BPIFB3: variants seen among roughly 807,000 people sequenced by gnomAD.
BPIFB3 encodes the protein BPI fold containing family B member 3, also known as BPI fold-containing family B member 3.
In BPIFB3, 49 loss-of-function variants were observed where a neutral mutation model predicts 53.1. That is an observed-to-expected ratio of 0.92 (90% CI 0.73 to 1.17). BPIFB3 has a LOEUF of 1.17. BPIFB3 is among the 50% of genes most tolerant of loss of function. The probability of loss-of-function intolerance (pLI) is 0.00; values close to 1 mark genes in which losing one functional copy is unlikely to be tolerated. For missense variants in BPIFB3, 628 were observed against 592.5 expected, an observed-to-expected ratio of 1.06 and a Z score of -0.62; for synonymous variants, 271 against 269.6, an observed-to-expected ratio of 1.01 and a Z score of -0.05.
chr20:33,069,948 C>T, exon 11 of BPIFB3: 2 of 1,614,208 alleles, frequency 1.2e-6, no homozygotes, highest in Non-Finnish European at 1.7e-6. Context: ...CTCCCTGTCC[C>T]TGGAACGGTA....
At chr20:33,056,627 A>G in exon 2 of BPIFB3, 1 of 1,613,750 alleles carries the variant, frequency 6.2e-7, no homozygotes, top group Non-Finnish European at 8.5e-7. Flanking sequence ...TCTTGGGCTC[A>G]GGAGGGCTGC....
intron 13 of BPIFB3, among the ~76,000 whole-genome samples, chr20:33,072,463 A>T (rs1426900223): frequency 6.6e-6 from 1 of 152,192 alleles, no homozygotes; most frequent in African/African-American, 2.4e-5. Flanking sequence ...TAGATGACCC[A>T]GAGTGTGTAA....
chr20:33,064,531 A>T lies in BPIFB3; in HGVS notation c.727A>T (p.Ile243Leu). Residue 243 changes from isoleucine to leucine, a missense_variant, in exon 7 of 15, where the codon ATA becomes TTA. Transcript: ENST00000375494. ...ATTGCCTCTCATCTCCAACCAGTAC[A>T]TAGAACTGGACATCAACGTGAGTAA... 2.5e-6 allele frequency: 4 copies of T among 1,613,810 alleles called. No individual in the cohort carries two copies. In the East Asian group the frequency reaches 6.7e-5, roughly 27 times the overall value.
At chr20:33,069,785 G>A in intron 10 of BPIFB3, 103 bp from the exon 12 acceptor site, 2 of 1,127,730 alleles carry the variant, frequency 1.8e-6, no homozygotes, top group Non-Finnish European at 2.7e-6. Context: ...ACACAGTAGG[G>A]CCTCAGTAAG....
At chr20:33,064,393 T>C in intron 6 of BPIFB3, 64 bp from the exon 8 acceptor site, 4 of 1,320,214 alleles carry the variant, frequency 3.0e-6, no homozygotes, top group Non-Finnish European at 4.4e-6. Context: ...TAAATGGAAA[T>C]AGGGGCTATT....
At chr20:33,066,953 C>A in intron 9 of BPIFB3, 76 bp downstream of exon 10, 1 of 1,465,036 alleles carries the variant, frequency 6.8e-7, no homozygotes, top group Non-Finnish European at 9.6e-7. Flanking sequence ...GAATCTTTCT[C>A]AATACAGCTC....
At chr20:33,072,610 G>C in intron 13 of BPIFB3, 107 bp from the exon 15 acceptor site, 3 of 904,526 alleles carry the variant, frequency 3.3e-6, no homozygotes, top group Non-Finnish European at 5.4e-6. Context: ...AAGAGAACTG[G>C]CTGGCTAGTG....
chr20:33,063,759 C>T (rs1980548916), intron 6 of BPIFB3, 84 bp downstream of exon 7: 1 of 1,392,752 alleles, frequency 7.2e-7, no homozygotes, highest in South Asian at 1.3e-5. Context: ...GAAGGGGAGC[C>T]AGAAGCGGCA....
chr20:33,060,988 A>G (rs1980432240), intron 4 of BPIFB3, among the ~76,000 whole-genome samples: 1 of 151,940 alleles, frequency 6.6e-6, no homozygotes, highest in Non-Finnish European at 1.5e-5. Flanking sequence ...CTCTGCCAGC[A>G]CTCTGAGCCA....
At chr20:33,072,749 G>T (rs746791805) in exon 14 of BPIFB3, 10 of 1,613,748 alleles carry the variant, frequency 6.2e-6, no homozygotes, top group East Asian at 2.2e-5. Flanking sequence ...CCTGCCTAAG[G>T]TTCTTAATAT....
intron 3 of BPIFB3, 94 bp downstream of exon 4, chr20:33,059,576 C>G: frequency 1.1e-6 from 1 of 886,814 alleles, no homozygotes; most frequent in Non-Finnish European, 1.8e-6. Context: ...CACTCCCACC[C>G]CTCTGTATCC....
Position 33,059,946 on chromosome 20 carries a change from G to GCGCTGGC in BPIFB3, c.445_451dup (p.Val151AlafsTer63). 1 of 1,614,162 alleles carries GCGCTGGC rather than the reference G, an allele frequency of 6.2e-7. No individual in the cohort carries two copies. Among genetic ancestry groups the GCGCTGGC allele is most frequent in the Non-Finnish European group, 8.5e-7 (1 of 1,180,012 alleles). ...GGAGGTGAACGTGACATCGCGGGTG[G>GCGCTGGC]CGCTGGCCGTGAGCTCAAGGGGCAC... On this transcript the variant is annotated frameshift_variant, in exon 4 of 15. Coordinates refer to ENST00000375494, the Ensembl canonical transcript of BPIFB3. LOFTEE classifies it high-confidence loss of function.
upstream of BPIFB3, among the ~76,000 whole-genome samples, chr20:33,055,040 C>T (rs780774526): frequency 9.9e-5 from 15 of 152,220 alleles, no homozygotes; most frequent in African/African-American, 2.9e-4. Flanking sequence ...TCCAGACACC[C>T]GGCCAGGCTC....
chr20:33,059,696 C>G (rs1340775254), intron 3 of BPIFB3, among the ~76,000 whole-genome samples, 195 bp from the exon 5 acceptor site: 2 of 152,144 alleles, frequency 1.3e-5, no homozygotes, highest in Non-Finnish European at 2.9e-5. Context: ...CGCTCTTCCT[C>G]CAGACCCGGA....
At chr20:33,057,693 C>G (rs962821190) in intron 2 of BPIFB3, among the ~76,000 whole-genome samples, 1 of 151,910 alleles carries the variant, frequency 6.6e-6, no homozygotes, top group East Asian at 1.9e-4. Context: ...GTCCCTCACA[C>G]AGGACCAAAG....
chr20:33,064,321 G>T (rs1980574830), intron 6 of BPIFB3, 136 bp from the exon 8 acceptor site: 3 of 713,922 alleles, frequency 4.2e-6, no homozygotes. Flanking sequence ...CTGTAAAATG[G>T]GGATGACAGT....
intron 4 of BPIFB3, among the ~76,000 whole-genome samples, chr20:33,061,540 G>A (rs1980456648): frequency 6.6e-6 from 1 of 152,188 alleles, no homozygotes; most frequent in South Asian, 2.1e-4. Flanking sequence ...CCGGGCAGCA[G>A]CAGCTCTCTA....
chr20:33,066,758 G>A (rs1257689460), intron 8 of BPIFB3, 66 bp from the exon 10 acceptor site: 44 of 1,505,594 alleles, frequency 2.9e-5, no homozygotes, highest in Non-Finnish European at 3.7e-6. Context: ...AAACTGCTCT[G>A]AGTGTGCTGA....
In BPIFB3 at chr20:33,072,713, AC is replaced by A; in HGVS notation, c.1325-3del. ...CTTTGTTTTCAACGATTCTCTTTTCACAGTGGCCCTGGATGTTGGAATTCCC... is the reference window on the plus strand; with the variant it reads ...CTTTGTTTTCAACGATTCTCTTTTCAAGTGGCCCTGGATGTTGGAATTCCC... On this transcript the variant is annotated splice_polypyrimidine_tract_variant and splice_region_variant and intron_variant, in intron 13 of 14. Coordinates refer to ENST00000375494, the Ensembl canonical transcript of BPIFB3. 1 of 1,611,742 alleles carries A rather than the reference AC, an allele frequency of 6.2e-7. No homozygotes were observed. Among genetic ancestry groups the A allele is most frequent in the Non-Finnish European group, 8.5e-7 (1 of 1,177,860 alleles).
Sources: allele counts gnomAD v4.1 joint callset (sites outside exome capture counted in the v4.1 genomes callset), GRCh38; gene constraint gnomAD v4.1.1; transcripts MANE v1.5; gene names NCBI Gene and HGNC (gene_info 2026-07-23, HGNC 2026-07-21).